Variants in DPYD observed in about 807,000 individuals in gnomAD.
The protein encoded by DPYD is dihydropyrimidine dehydrogenase.
A neutral mutation model predicts 116.2 loss-of-function variants in DPYD; 109 were observed. The ratio of observed to expected loss-of-function variants is 0.94; its 90% CI spans 0.80 to 1.10. The LOEUF (loss-of-function observed/expected upper bound fraction) is 1.10, where lower values mean the gene tolerates loss of function less well. Among genes scored for constraint, DPYD ranks in the 50% least tolerant of loss-of-function variants. The probability of loss-of-function intolerance (pLI) is 0.00; values close to 1 mark genes in which losing one functional copy is unlikely to be tolerated. For missense variants in DPYD, 1,302 were observed against 1,254.5 expected (o/e 1.04, Z -0.57); for synonymous variants, 440 against 432.0 (o/e 1.02, Z -0.23).
chr1:97,266,469 G>T (rs7518848), intron 18 of DPYD, among the ~76,000 whole-genome samples: 115,586 of 152,082 alleles, frequency 0.76, 44,946 homozygotes, highest in African/African-American at 0.93. Flanking sequence ...TTAATCTGCT[G>T]TATGCTGCTA....
chr1:97,265,320 T>G lies in DPYD; in HGVS notation c.2300-30326A>C, dbSNP rs573714776. 8.9e-4 allele frequency: 135 copies of G among 152,328 alleles called. 2 individuals are homozygous for G. Among genetic ancestry groups the G allele is most frequent in the African/African-American group, 3.1e-3 (129 of 41,580 alleles). 9.4% of individuals were successfully genotyped at this position (152,328 alleles called of 1,614,324 possible). On this transcript the variant is annotated intron_variant, in intron 18 of 22. Transcript: ENST00000370192. ...TAATCTAAAGTCCCATCTCTTTTTC[T>G]ATCACAATTATACCACCTAGTTTTG...
intron 5 of DPYD, among the ~76,000 whole-genome samples, chr1:97,702,251 AAT>A (rs1410306880): frequency 2.0e-5 from 3 of 151,286 alleles, no homozygotes; most frequent in Non-Finnish European, 3.0e-5. Context: ...CATTAATTAA[AAT>A]ATAGTTAAAA....
At chr1:97,358,205 C>CA (rs1440168016) in intron 16 of DPYD, among the ~76,000 whole-genome samples, 2 of 152,340 alleles carry the variant, frequency 1.3e-5, no homozygotes, top group Admixed American at 1.3e-4. Context: ...ATGGCTAGCG[C>CA]AGCAGTCTGA....
intron 18 of DPYD, among the ~76,000 whole-genome samples, chr1:97,277,974 A>G (rs1392496282): frequency 6.6e-6 from 1 of 152,060 alleles, no homozygotes; most frequent in Non-Finnish European, 1.5e-5. Context: ...TGAGCATTCT[A>G]CTATATTTAG....
At chr1:97,319,200 A>C (rs902843193) in intron 16 of DPYD, among the ~76,000 whole-genome samples, 2 of 147,758 alleles carry the variant, frequency 1.4e-5, no homozygotes, top group Admixed American at 6.7e-5. Flanking sequence ...ACACATTCAA[A>C]AGCTAGCAGA....
intron 3 of DPYD, among the ~76,000 whole-genome samples, chr1:97,818,227 T>C (rs1668735570): frequency 6.6e-6 from 1 of 152,060 alleles, no homozygotes; most frequent in Non-Finnish European, 1.5e-5. Flanking sequence ...ATTAATTTGA[T>C]ATTTTCTGCA....
At chr1:97,682,640 A>C (rs1162557267) in intron 7 of DPYD, among the ~76,000 whole-genome samples, 2 of 152,306 alleles carry the variant, frequency 1.3e-5, no homozygotes, top group East Asian at 3.9e-4. Context: ...CAGGAACATC[A>C]TGTTGGCTGA....
At chr1:97,613,573 C>A (rs573793155) in intron 8 of DPYD, among the ~76,000 whole-genome samples, 1 of 151,884 alleles carries the variant, frequency 6.6e-6, no homozygotes, top group Non-Finnish European at 1.5e-5. Flanking sequence ...CTGTTTTCAA[C>A]GCATGATCTG....
chr1:97,654,190 A>G (rs552595763), intron 8 of DPYD, among the ~76,000 whole-genome samples: 1 of 152,186 alleles, frequency 6.6e-6, no homozygotes, highest in Non-Finnish European at 1.5e-5. Flanking sequence ...CTGCTTCCAT[A>G]ACGCATTTGA....
At chr1:97,663,315 A>G (rs1659373340) in intron 8 of DPYD, among the ~76,000 whole-genome samples, 1 of 152,156 alleles carries the variant, frequency 6.6e-6, no homozygotes, top group South Asian at 2.1e-4. Context: ...GGTAATTGTC[A>G]CCACCATCCA....
intron 20 of DPYD, among the ~76,000 whole-genome samples, chr1:97,179,758 C>T (rs373781053): frequency 1.1e-3 from 161 of 152,184 alleles, no homozygotes; most frequent in African/African-American, 3.7e-3. Flanking sequence ...TTCGAGGGGT[C>T]ACCTGTGACT....
At chr1:97,373,791 C>T in intron 15 of DPYD, 147 bp from the exon 16 acceptor site, 1 of 690,340 alleles carries the variant, frequency 1.4e-6, no homozygotes, top group Non-Finnish European at 2.5e-6. Flanking sequence ...TATAGTCTCT[C>T]TCTCTCAAAT....
At chr1:97,734,546 G>GT (rs1229813419) in intron 4 of DPYD, among the ~76,000 whole-genome samples, 15 of 152,056 alleles carry the variant, frequency 9.9e-5, no homozygotes, top group East Asian at 1.9e-4. Flanking sequence ...AAATCTCTGG[G>GT]TTTTTTATCA....
At chr1:97,361,095 A>G (rs1436252475) in intron 16 of DPYD, among the ~76,000 whole-genome samples, 1 of 152,188 alleles carries the variant, frequency 6.6e-6, no homozygotes, top group Non-Finnish European at 1.5e-5. Context: ...AGAATCAAAT[A>G]GACACAATAA....
At chr1:97,124,843 A>G (rs1397387692) in intron 20 of DPYD, among the ~76,000 whole-genome samples, 1 of 152,092 alleles carries the variant, frequency 6.6e-6, no homozygotes, top group East Asian at 1.9e-4. Context: ...AAAGTCACTT[A>G]CTTCTTTTTA....
chr1:97,192,613 G>C (rs1044532682), intron 20 of DPYD, among the ~76,000 whole-genome samples: 1 of 152,030 alleles, frequency 6.6e-6, no homozygotes, highest in Admixed American at 6.6e-5. Flanking sequence ...GTTTGAGACC[G>C]GGTTTAACCA....
intron 3 of DPYD, among the ~76,000 whole-genome samples, chr1:97,767,497 T>C (rs894658368): frequency 9.2e-5 from 1 of 10,812 alleles, no homozygotes; most frequent in Non-Finnish European, 2.9e-4. Flanking sequence ...CATGTTCTGT[T>C]TCCTCTCTGG....
At chr1:97,235,841 G>A (rs1661886046) in intron 18 of DPYD, among the ~76,000 whole-genome samples, 1 of 151,994 alleles carries the variant, frequency 6.6e-6, no homozygotes. Context: ...AAAAAAAATA[G>A]GGAGTCTAAT....
intron 13 of DPYD, among the ~76,000 whole-genome samples, chr1:97,510,020 T>C (rs975485571): frequency 3.3e-5 from 5 of 151,890 alleles, no homozygotes; most frequent in Non-Finnish European, 5.9e-5. Flanking sequence ...AATAGGGTGC[T>C]ATAACTTTAT....
Sources: allele counts gnomAD v4.1 joint callset (sites outside exome capture counted in the v4.1 genomes callset), GRCh38; gene constraint gnomAD v4.1.1; transcripts MANE v1.5; gene names NCBI Gene and HGNC (gene_info 2026-07-23, HGNC 2026-07-21).